Variants in ACAP2 observed in about 807,000 individuals in gnomAD.
The protein encoded by ACAP2 is arf-GAP with coiled-coil, ANK repeat and PH domain-containing protein 2.
ACAP2 carries 39 observed loss-of-function variants against 115.8 expected under a neutral mutation model. The ratio of observed to expected loss-of-function variants is 0.34; its 90% CI spans 0.26 to 0.44. The LOEUF is 0.44. Ranked by LOEUF, ACAP2 falls within the 20% of genes least tolerant of loss-of-function variation. The pLI is 1.00. For synonymous variants in ACAP2, 289 were observed against 315.8 expected, an observed-to-expected ratio of 0.92 and a Z score of 0.90; for missense variants, 662 against 927.6, an observed-to-expected ratio of 0.71 and a Z score of 3.72.
intron 4 of ACAP2, among the ~76,000 whole-genome samples, chr3:195,358,242 G>A (rs1732119606): frequency 6.6e-6 from 1 of 152,104 alleles, no homozygotes; most frequent in African/African-American, 2.4e-5. Context: ...TGAATACTTG[G>A]ATAGCCTTCT....
At chr3:195,361,520 T>C (rs115450668) in intron 4 of ACAP2, among the ~76,000 whole-genome samples, 3 of 151,266 alleles carry the variant, frequency 2.0e-5, no homozygotes, top group Non-Finnish European at 4.4e-5. Context: ...GTATGGGATA[T>C]AGTAAAAGCA....
intron 4 of ACAP2, among the ~76,000 whole-genome samples, chr3:195,351,292 C>T (rs1731569593): frequency 6.6e-6 from 1 of 151,620 alleles, no homozygotes; most frequent in African/African-American, 2.4e-5. Flanking sequence ...AATTTTTGTA[C>T]TTTTAGTAGA....
chr3:195,386,982 T>TA (rs1226956045), intron 2 of ACAP2, among the ~76,000 whole-genome samples: 1 of 152,010 alleles, frequency 6.6e-6, no homozygotes, highest in African/African-American at 2.4e-5. Flanking sequence ...GCACAGAACA[T>TA]AGCCATGAAA....
At chr3:195,365,211 T>G (rs1056108122) in intron 4 of ACAP2, among the ~76,000 whole-genome samples, 7 of 152,174 alleles carry the variant, frequency 4.6e-5, no homozygotes, top group African/African-American at 1.7e-4. Flanking sequence ...TAGTATTTGC[T>G]AGCACAACAA....
chr3:195,295,825 A>G lies in ACAP2; in HGVS notation c.1555T>C (p.Ser519Pro). The change falls in exon 17 of 23, where the codon TCA becomes CCA. Residue 519 changes from serine to proline, a missense_variant. Around this residue, in one of 3 missense-constraint regions of ACAP2, gnomAD observed 133 missense variants for 123.1 expected, o/e 1.08. Coordinates refer to ENST00000326793, the MANE Select transcript of ACAP2 (RefSeq NM_012287.6). ...TTTTGCTGCTCAGGAGGTGATAATGATATAGAATATTTATCCACAAATTTC... is the reference window on the plus strand; with the variant it reads ...TTTTGCTGCTCAGGAGGTGATAATGGTATAGAATATTTATCCACAAATTTC... ...ERKFVDKYSI[S>P]LSPPEQQKKF... The G allele has an allele frequency of 6.2e-7, 1 of 1,613,994 alleles. No homozygotes were observed. The highest frequency in any genetic ancestry group is 1.7e-4 in the Middle Eastern group (1 of 6,060).
chr3:195,416,203 C>T (rs952563342), intron 1 of ACAP2, among the ~76,000 whole-genome samples: 6 of 151,886 alleles, frequency 4.0e-5, no homozygotes, highest in African/African-American at 9.7e-5. Context: ...AAAAGTTAGC[C>T]GGCATGGTGG....
chr3:195,368,896 CA>C (rs1732915726), intron 4 of ACAP2, among the ~76,000 whole-genome samples: 1 of 152,112 alleles, frequency 6.6e-6, no homozygotes, highest in African/African-American at 2.4e-5. Flanking sequence ...CCAGCCTGGC[CA>C]ACATGGCGAA....
intron 10 of ACAP2, among the ~76,000 whole-genome samples, chr3:195,314,194 TTGTTG>T (rs1267424026): frequency 1.5e-5 from 2 of 130,788 alleles, no homozygotes; most frequent in Admixed American, 7.5e-5. Context: ...GAAGAAAATT[TTGTTG>T]TTTTTTTTTT....
At chr3:195,316,837 A>G (rs1577288968) in intron 10 of ACAP2, among the ~76,000 whole-genome samples, 1 of 151,954 alleles carries the variant, frequency 6.6e-6, no homozygotes, top group East Asian at 1.9e-4. Flanking sequence ...ACATCTGGCA[A>G]TATCAAATGC....
chr3:195,369,989 T>A (rs1174642699), intron 4 of ACAP2, among the ~76,000 whole-genome samples: 1 of 152,336 alleles, frequency 6.6e-6, no homozygotes, highest in East Asian at 1.9e-4. Flanking sequence ...TGGTTTTGAG[T>A]TGCATTTCTC....
intron 10 of ACAP2, among the ~76,000 whole-genome samples, chr3:195,314,053 C>T (rs1728927194): frequency 6.6e-6 from 1 of 152,082 alleles, no homozygotes; most frequent in Non-Finnish European, 1.5e-5. Flanking sequence ...TCGCATCATA[C>T]AAAATATTAT....
intron 4 of ACAP2, among the ~76,000 whole-genome samples, chr3:195,351,136 G>C (rs1296549304): frequency 9.1e-5 from 9 of 98,432 alleles, no homozygotes; most frequent in African/African-American, 2.7e-4. Flanking sequence ...TTTTGGGCGG[G>C]GGACAGGGTC....
At chr3:195,295,252 G>A in intron 17 of ACAP2, 3 of 1,291,494 alleles carry the variant, frequency 2.3e-6, no homozygotes, top group African/African-American at 1.5e-5. Flanking sequence ...TAGCTCATCA[G>A]GACAAAACAG....
intron 13 of ACAP2, among the ~76,000 whole-genome samples, chr3:195,303,925 G>A (rs923814735): frequency 6.6e-6 from 1 of 152,130 alleles, no homozygotes; most frequent in Non-Finnish European, 1.5e-5. Flanking sequence ...ACTTTGGGAA[G>A]CCGAGGTGAG....
At position 195,321,276 on chromosome 3, in the gene ACAP2, G is replaced by A. The variant is rs116508016; in HGVS notation, c.745-463C>T. ...CTCGCTCTGCTGCCCAGCCTGGAGT[G>A]CAATGAAGTGATCTCAGCTCACTAC... On this transcript the variant is annotated intron_variant, in intron 9 of 22. Transcript: ENST00000326793. Among the ~76,000 whole-genome samples the A allele has an allele frequency of 1.8e-3, 258 of 139,686 alleles. 1 individual carries two copies. Among genetic ancestry groups the A allele is most frequent in the African/African-American group, 6.7e-3 (246 of 36,662 alleles). The allele number at this position is 139,686 out of a possible 152,430, so 91.6% of individuals were successfully genotyped here.
At chr3:195,349,778 G>C (rs1731427231) in intron 4 of ACAP2, 1 of 311,846 alleles carries the variant, frequency 3.2e-6, no homozygotes, top group Admixed American at 3.7e-5. Context: ...AAGAAGCATG[G>C]CCCTCAGGCA....
At chr3:195,353,820 C>T (rs9860389) in intron 4 of ACAP2, among the ~76,000 whole-genome samples, 125,801 of 152,138 alleles carry the variant, frequency 0.83, 52,238 homozygotes, top group East Asian at 0.95. Flanking sequence ...TTTCTCTTTT[C>T]TGCTTTTCAA....
intron 8 of ACAP2, among the ~76,000 whole-genome samples, chr3:195,327,583 T>G (rs1233132757): frequency 6.6e-6 from 1 of 152,048 alleles, no homozygotes. Context: ...AAGACCAAGG[T>G]AGGAAATCGG....
At chr3:195,370,144 G>A (rs994861510) in intron 4 of ACAP2, among the ~76,000 whole-genome samples, 2 of 152,128 alleles carry the variant, frequency 1.3e-5, no homozygotes, top group Non-Finnish European at 1.5e-5. Context: ...ACAGATTCTG[G>A]ATATTAGAGC....
Sources: allele counts gnomAD v4.1 joint callset (sites outside exome capture counted in the v4.1 genomes callset), GRCh38; gene constraint gnomAD v4.1.1; regional missense constraint gnomAD v4.1.1; transcripts MANE v1.5; gene names NCBI Gene and HGNC (gene_info 2026-07-23, HGNC 2026-07-21).